The following KAZN variants were observed in gnomAD, a reference collection of about 807,000 sequenced individuals.
KAZN encodes the protein kazrin, periplakin interacting protein, also known as kazrin.
A neutral mutation model predicts 87.4 loss-of-function variants in KAZN; 40 were observed. The ratio of observed to expected loss-of-function variants is 0.46; its 90% CI spans 0.36 to 0.60. KAZN has a LOEUF of 0.60. Among genes scored for constraint, KAZN ranks in the 20% least tolerant of loss-of-function variants. KAZN has a pLI of 0.00. For synonymous variants in KAZN, 466 were observed against 458.3 expected, an observed-to-expected ratio of 1.02 and a Z score of -0.22; for missense variants, 898 against 1,073.9, an observed-to-expected ratio of 0.84 and a Z score of 2.29.
chr1:14,032,826 C>T (rs934750328), intron 1 of KAZN, among the ~76,000 whole-genome samples: 4 of 152,156 alleles, frequency 2.6e-5, no homozygotes, highest in Non-Finnish European at 5.9e-5. Context: ...CATTACTAAG[C>T]ATACACTAAG....
intron 1 of KAZN, among the ~76,000 whole-genome samples, chr1:14,125,391 T>C (rs1256691136): frequency 6.6e-6 from 1 of 152,118 alleles, no homozygotes; most frequent in East Asian, 1.9e-4. Flanking sequence ...GTGACCTTGA[T>C]TGGAAAAAGG....
intron 2 of KAZN, among the ~76,000 whole-genome samples, chr1:14,310,569 G>A (rs1655214882): frequency 6.6e-6 from 1 of 152,132 alleles, no homozygotes; most frequent in South Asian, 2.1e-4. Context: ...GGCTGCTGGT[G>A]GGCCGACGTA....
intron 1 of KAZN, among the ~76,000 whole-genome samples, chr1:14,747,459 T>C (rs1431445210): frequency 2.6e-5 from 4 of 152,142 alleles, no homozygotes; most frequent in African/African-American, 9.7e-5. Flanking sequence ...CTATTTTCAA[T>C]AGAGACGGGG....
chr1:13,963,367 C>T (rs1007291631), intron 1 of KAZN, among the ~76,000 whole-genome samples: 12 of 152,094 alleles, frequency 7.9e-5, no homozygotes, highest in South Asian at 2.1e-4. Context: ...CATTTGGGGA[C>T]GGTAGTGGGC....
At chr1:14,219,525 C>T (rs1647045829) in intron 2 of KAZN, among the ~76,000 whole-genome samples, 1 of 152,156 alleles carries the variant, frequency 6.6e-6, no homozygotes, top group Non-Finnish European at 1.5e-5. Flanking sequence ...ACTCACACCA[C>T]ATTGGACAGG....
intron 2 of KAZN, among the ~76,000 whole-genome samples, chr1:14,401,286 G>A (rs1001180962): frequency 6.6e-6 from 1 of 151,974 alleles, no homozygotes; most frequent in African/African-American, 2.4e-5. Context: ...TTGAAAAATA[G>A]CATATAATAA....
At chr1:13,927,439 C>G (rs1241277686) in intron 1 of KAZN, among the ~76,000 whole-genome samples, 1 of 152,126 alleles carries the variant, frequency 6.6e-6, no homozygotes, top group Admixed American at 6.5e-5. Flanking sequence ...TTTTTCTGCT[C>G]ATCACATCAG....
In KAZN at chr1:13,996,776, T is replaced by C. The variant is rs542005773; in HGVS notation, c.91+103020T>C. 9.9e-4 allele frequency among the ~76,000 whole-genome samples: 151 copies of C among 152,304 alleles called. 3 individuals are homozygous for C. In the South Asian group the frequency reaches 0.018, roughly 19 times the overall value. The stretch of plus-strand genomic sequence containing the variant: ...CAGCAGACTTAGCCTTTCCTCCTGA[T>C]AGTTCTGAGGAATCTGGGCAGCCCG... On this transcript the variant is annotated intron_variant, in intron 1 of 16. Coordinates refer to the KAZN transcript ENST00000636203.
chr1:14,917,849 TCTTCCTTC>T lies in KAZN; in HGVS notation c.227-42819_227-42812del, dbSNP rs139509752. On this transcript the variant is annotated intron_variant, in intron 1 of 14. Coordinates refer to ENST00000376030, the MANE Select transcript of KAZN (RefSeq NM_201628.3). ...TGAGATCTAAATGTACTTCTTTCTTTCTTCCTTCCTTCCTTCCTTCCTTTCTTTCTTTC... is the reference window on the plus strand; with the variant it reads ...TGAGATCTAAATGTACTTCTTTCTTTCTTCCTTCCTTCCTTTCTTTCTTTC... 3.1e-3 allele frequency among the ~76,000 whole-genome samples: 462 copies of T among 148,790 alleles called. 1 individual carries two copies. The highest frequency in any genetic ancestry group is 4.8e-3 in the African/African-American group (194 of 40,424).
intron 2 of KAZN, among the ~76,000 whole-genome samples, chr1:14,230,539 C>G (rs576979049): frequency 1.3e-5 from 2 of 152,232 alleles, no homozygotes; most frequent in Non-Finnish European, 2.9e-5. Context: ...GGTCGGAGTC[C>G]AATCCCTGTG....
rs1235505195 is a variant in KAZN, at chr1:15,077,708, G to A, written c.1222+11955G>A. ...ATGTTGATGGGCCTGACAATAGGGTGACTCCGTATTATCCAAGAAATCCCA... is the reference window on the plus strand; with the variant it reads ...ATGTTGATGGGCCTGACAATAGGGTAACTCCGTATTATCCAAGAAATCCCA... On this transcript the variant is annotated intron_variant, in intron 8 of 14. Coordinates refer to ENST00000376030, the MANE Select transcript of KAZN (RefSeq NM_201628.3). This position sits in a 1 kb window ranked among gnomAD's most constrained non-coding sequence, Gnocchi z 4.8. Among the ~76,000 whole-genome samples, 2 of 152,196 alleles carry A rather than the reference G, an allele frequency of 1.3e-5. No individual in the cohort carries two copies. The highest frequency in any genetic ancestry group is 2.4e-5 in the African/African-American group (1 of 41,440).
intron 1 of KAZN, among the ~76,000 whole-genome samples, chr1:14,872,938 A>ATGGATG (rs1652311834): frequency 6.8e-6 from 1 of 146,122 alleles, no homozygotes; most frequent in African/African-American, 2.6e-5. Flanking sequence ...ATGGATGGAT[A>ATGGATG]GATGGATGGA....
intron 1 of KAZN, among the ~76,000 whole-genome samples, chr1:14,764,552 G>A (rs1005716072): frequency 3.9e-5 from 6 of 151,960 alleles, no homozygotes; most frequent in Non-Finnish European, 5.9e-5. Flanking sequence ...AGGTAGATAC[G>A]GTTGCCTGTT....
Position 14,773,352 on chromosome 1 carries a change from C to T in KAZN, c.226+174129C>T, listed in dbSNP as rs1194005299. On this transcript the variant is annotated intron_variant, in intron 1 of 14. Transcript: ENST00000376030. The surrounding 1 kb of genome is among the most constrained non-coding windows in gnomAD (Gnocchi z 5.9). ...CCAATCCACCTCCCACCTCACCTGCCCACGATGCCATTGCTTCAAATGGCT... is the reference window on the plus strand; with the variant it reads ...CCAATCCACCTCCCACCTCACCTGCTCACGATGCCATTGCTTCAAATGGCT... Among the ~76,000 whole-genome samples, 2 of 152,160 alleles carry T rather than the reference C, an allele frequency of 1.3e-5. No individual in the cohort carries two copies. The highest frequency in any genetic ancestry group is 2.9e-5 in the Non-Finnish European group (2 of 68,034).
intron 2 of KAZN, among the ~76,000 whole-genome samples, chr1:14,449,159 G>A (rs913508456): frequency 6.6e-6 from 1 of 152,166 alleles, no homozygotes; most frequent in African/African-American, 2.4e-5. Context: ...ATTCAAGGAG[G>A]TGATGGCTTC....
At chr1:14,188,756 C>T (rs929569558) in intron 2 of KAZN, among the ~76,000 whole-genome samples, 2 of 152,096 alleles carry the variant, frequency 1.3e-5, no homozygotes, top group African/African-American at 4.8e-5. Context: ...GAAATGTAAA[C>T]CAGTGTTAGT....
At chr1:14,162,317 T>C (rs1159030609) in intron 1 of KAZN, among the ~76,000 whole-genome samples, 2 of 152,178 alleles carry the variant, frequency 1.3e-5, no homozygotes, top group African/African-American at 4.8e-5. Flanking sequence ...GAGTATACTA[T>C]AAATATTATT....
intron 1 of KAZN, among the ~76,000 whole-genome samples, chr1:14,826,641 G>A (rs1187711221): frequency 6.6e-6 from 1 of 152,104 alleles, no homozygotes; most frequent in Non-Finnish European, 1.5e-5. Context: ...TCACATGCAT[G>A]CCCCCACTGA....
chr1:14,070,266 T>C (rs1643199026), intron 1 of KAZN, among the ~76,000 whole-genome samples: 1 of 152,012 alleles, frequency 6.6e-6, no homozygotes, highest in South Asian at 2.1e-4. Context: ...TTAAGGTTTT[T>C]TTTATTAGCT....
Sources: gnomAD v4.1 joint callset for allele counts (sites outside exome capture counted in the v4.1 genomes callset) on GRCh38, gnomAD v4.1.1 for gene constraint, Gnocchi (gnomAD v3.1) non-coding constraint, MANE v1.5 for transcripts, NCBI Gene and HGNC (gene_info 2026-07-23, HGNC 2026-07-21) for gene names.